LIN7A: variants seen among roughly 807,000 people sequenced by gnomAD.
LIN7A encodes protein lin-7 homolog A.
In LIN7A, 25 loss-of-function variants were observed where a neutral mutation model predicts 29.8. The observed-to-expected ratio is 0.84, with a 90% CI of 0.61 to 1.17. The LOEUF is 1.17. Among genes scored for constraint, LIN7A ranks in the 50% most tolerant of loss-of-function variants. LIN7A has a pLI of 0.00. For synonymous variants in LIN7A, 118 were observed against 107.5 expected (o/e 1.10, Z -0.60); for missense variants, 239 against 287.0 (o/e 0.83, Z 1.21).
intron 4 of LIN7A, among the ~76,000 whole-genome samples, chr12:80,820,691 G>A (rs1197628628): frequency 6.7e-6 from 1 of 149,878 alleles, no homozygotes; most frequent in Non-Finnish European, 1.5e-5. Context: ...GAGCTTTAGA[G>A]GTCTGAAAAC....
chr12:80,839,102 T>C (rs1027706458), intron 4 of LIN7A, among the ~76,000 whole-genome samples: 1 of 152,198 alleles, frequency 6.6e-6, no homozygotes, highest in Admixed American at 6.5e-5. Flanking sequence ...TTATGAGTAG[T>C]TAAGAAAAAC....
intron 2 of LIN7A, among the ~76,000 whole-genome samples, chr12:80,877,965 C>T (rs1874802421): frequency 6.6e-6 from 1 of 152,018 alleles, no homozygotes; most frequent in Non-Finnish European, 1.5e-5. Flanking sequence ...TTCACTCTAT[C>T]TGACTGATAC....
chr12:80,822,900 G>T (rs1293276228), intron 4 of LIN7A, among the ~76,000 whole-genome samples: 1 of 152,144 alleles, frequency 6.6e-6, no homozygotes, highest in Non-Finnish European at 1.5e-5. Flanking sequence ...TGAAGCCCAG[G>T]GGCTGGGCTG....
intron 5 of LIN7A, among the ~76,000 whole-genome samples, chr12:80,802,042 G>T (rs1870747062): frequency 6.6e-6 from 1 of 151,798 alleles, no homozygotes. Flanking sequence ...GATTAGAGGT[G>T]CACCACCACA....
At chr12:80,937,601 G>A (rs1242214890) in intron 1 of LIN7A, 40 bp downstream of exon 1, 3 of 1,378,096 alleles carry the variant, frequency 2.2e-6, no homozygotes, top group African/African-American at 3.0e-5. Flanking sequence ...GAGGAGGGGA[G>A]AGGGGACGCG....
intron 4 of LIN7A, among the ~76,000 whole-genome samples, chr12:80,817,801 T>G (rs1332837823): frequency 6.6e-6 from 1 of 152,174 alleles, no homozygotes; most frequent in Non-Finnish European, 1.5e-5. Context: ...AGGTCTGGAT[T>G]AGAACTCATT....
At chr12:80,818,882 A>T (rs1046117460) in intron 4 of LIN7A, among the ~76,000 whole-genome samples, 1 of 152,258 alleles carries the variant, frequency 6.6e-6, no homozygotes, top group African/African-American at 2.4e-5. Context: ...AGTGTTGGTT[A>T]GATGAGGGAA....
intron 2 of LIN7A, among the ~76,000 whole-genome samples, chr12:80,884,703 T>C (rs1160473042): frequency 6.6e-6 from 1 of 152,192 alleles, no homozygotes; most frequent in Non-Finnish European, 1.5e-5. Flanking sequence ...TATCACAAAA[T>C]GACAGTCATT....
At chr12:80,893,807 G>A (rs987804023) in intron 1 of LIN7A, among the ~76,000 whole-genome samples, 9 of 152,122 alleles carry the variant, frequency 5.9e-5, no homozygotes, top group African/African-American at 2.2e-4. Flanking sequence ...AGTGCCCAAT[G>A]GAGCCTAAAC....
chr12:80,853,729 C>T (rs563122920), intron 2 of LIN7A, among the ~76,000 whole-genome samples: 1 of 152,066 alleles, frequency 6.6e-6, no homozygotes, highest in Non-Finnish European at 1.5e-5. Flanking sequence ...CGGAGTCTCA[C>T]TCTGTCACCC....
intron 2 of LIN7A, among the ~76,000 whole-genome samples, chr12:80,867,006 G>A (rs552202275): frequency 3.3e-5 from 5 of 151,904 alleles, no homozygotes; most frequent in African/African-American, 9.7e-5. Context: ...TTGTCACCCA[G>A]GCAGTGATGC....
At chr12:80,898,064 GTTA>G (rs1231596363) in intron 1 of LIN7A, among the ~76,000 whole-genome samples, 1 of 152,064 alleles carries the variant, frequency 6.6e-6, no homozygotes, top group Non-Finnish European at 1.5e-5. Context: ...TGTCTAGAAT[GTTA>G]TTTCCTAGAT....
At position 80,937,799 on chromosome 12, in the gene LIN7A, G is replaced by A; in HGVS notation, c.-77C>T. On this transcript the variant is annotated 5_prime_UTR_variant, in exon 1 of 6. Coordinates refer to ENST00000552864, the MANE Select transcript of LIN7A (RefSeq NM_004664.4). ...AGAGGGAAGACGGAAAGGAGGGGGAGGAGGGGGAAGGAAGGAAGGTGGTGG... is the reference window on the plus strand; with the variant it reads ...AGAGGGAAGACGGAAAGGAGGGGGAAGAGGGGGAAGGAAGGAAGGTGGTGG... 1.3e-6 allele frequency: 1 copy of A among 797,364 alleles called. No homozygotes were observed. Among genetic ancestry groups the A allele is most frequent in the South Asian group, 2.8e-5 (1 of 35,638 alleles). 49.4% of individuals were successfully genotyped at this position (797,364 alleles called of 1,614,324 possible).
intron 1 of LIN7A, among the ~76,000 whole-genome samples, chr12:80,894,372 C>T (rs1461055913): frequency 6.6e-6 from 1 of 152,148 alleles, no homozygotes; most frequent in Non-Finnish European, 1.5e-5. Flanking sequence ...CTCCTATTGT[C>T]TGCCACCTCT....
At position 80,806,039 on chromosome 12, in the gene LIN7A, C is replaced by T. The variant is rs575847485; in HGVS notation, c.*5426G>A. ...GTTGCAGTGAGCTGAGATCGCACCA[C>T]GGCACTGTAGCCTGGGTGACAGAGA... On this transcript the variant is annotated intron_variant, in intron 5 of 5. Coordinates refer to ENST00000552864, the MANE Select transcript of LIN7A (RefSeq NM_004664.4). Among the ~76,000 whole-genome samples, 165 of 151,506 alleles carry T rather than the reference C, an allele frequency of 1.1e-3. 1 individual carries two copies. The highest frequency in any genetic ancestry group is 3.8e-3 in the African/African-American group (157 of 41,192).
chr12:80,801,978 C>A (rs1365124759), intron 5 of LIN7A, among the ~76,000 whole-genome samples: 1 of 151,398 alleles, frequency 6.6e-6, no homozygotes, highest in Non-Finnish European at 1.5e-5. Context: ...CTCACTGCAA[C>A]CTCCACCTCC....
intron 2 of LIN7A, among the ~76,000 whole-genome samples, chr12:80,850,148 T>C (rs1454700279): frequency 1.3e-5 from 2 of 152,146 alleles, no homozygotes; most frequent in African/African-American, 2.4e-5. Flanking sequence ...GAAAGTGGTA[T>C]ATTCAAGGAG....
intron 5 of LIN7A, among the ~76,000 whole-genome samples, chr12:80,801,551 A>G (rs1419759192): frequency 6.6e-6 from 1 of 152,220 alleles, no homozygotes; most frequent in Non-Finnish European, 1.5e-5. Flanking sequence ...TGTGATGTAC[A>G]AATTTGTGAT....
chr12:80,839,723 A>T (rs538384758), intron 4 of LIN7A, among the ~76,000 whole-genome samples: 4 of 152,262 alleles, frequency 2.6e-5, no homozygotes, highest in African/African-American at 7.2e-5. Context: ...TTCATCCCAC[A>T]CCTGACAGCC....
Sources: gnomAD v4.1 joint callset for allele counts (sites outside exome capture counted in the v4.1 genomes callset) on GRCh38, gnomAD v4.1.1 for gene constraint, MANE v1.5 for transcripts, NCBI Gene and HGNC (gene_info 2026-07-23, HGNC 2026-07-21) for gene names.